The following FBXO21 variants were observed in gnomAD, a reference collection of about 807,000 sequenced individuals.
FBXO21 encodes F-box only protein 21.
FBXO21 carries 32 observed loss-of-function variants against 76.6 expected under a neutral mutation model. The ratio of observed to expected loss-of-function variants is 0.42; its 90% confidence interval spans 0.32 to 0.56. FBXO21 has a LOEUF of 0.56. Among genes scored for constraint, FBXO21 ranks in the 20% least tolerant of loss-of-function variants. The pLI is 0.16. For missense variants in FBXO21, 586 were observed against 797.3 expected (o/e 0.73, Z 3.19); for synonymous variants, 328 against 311.5 (o/e 1.05, Z -0.56).
At chr12:117,166,798 A>G in intron 8 of FBXO21, 100 bp downstream of exon 8, 1 of 979,878 alleles carries the variant, frequency 1.0e-6, no homozygotes, top group Non-Finnish European at 1.6e-6. Flanking sequence ...GGTCTACTGC[A>G]AAGATCTCAA....
intron 9 of FBXO21, among the ~76,000 whole-genome samples, chr12:117,160,095 C>T (rs1256288309): frequency 6.6e-6 from 1 of 152,176 alleles, no homozygotes; most frequent in Non-Finnish European, 1.5e-5. Context: ...GCTCTTCTCC[C>T]TCTAGCCTAG....
chr12:117,142,258 A>T lies in FBXO21; in HGVS notation c.*3829T>A, dbSNP rs575489977. ...CTCAGTGGTTCCTGGAGACTCAGGG[A>T]CCACCTGTATTCCACATCCGGCTTC... On this transcript the variant is annotated 3_prime_UTR_variant, in exon 12 of 12. Coordinates refer to ENST00000622495, the MANE Select transcript of FBXO21 (RefSeq NM_015002.3). The T allele has an allele frequency of 6.6e-6, 1 of 152,208 alleles. No individual in the cohort carries two copies. Among genetic ancestry groups the T allele is most frequent in the South Asian group, 2.1e-4 (1 of 4,812 alleles). The allele number at this position is 152,208 out of a possible 1,614,324, so 9.4% of individuals were successfully genotyped here. A position where few individuals can be genotyped will look rare whatever the true frequency, so the allele number is the denominator to read the frequency against.
rs934880849 is a variant in FBXO21, at chr12:117,149,769, C to T, written c.1676-3492G>A. Among the ~76,000 whole-genome samples, 9 of 152,290 alleles carry T rather than the reference C, an allele frequency of 5.9e-5. No individual in the cohort carries two copies. In the South Asian group the frequency reaches 6.2e-4, roughly 11 times the overall value. On this transcript the variant is annotated intron_variant, in intron 11 of 11. Transcript: ENST00000622495. ...CCACTTTTTCCTTTCTATGTATTATCGAGGGACAGCCTGGTGTTGGTAACA... is the reference window on the plus strand; with the variant it reads ...CCACTTTTTCCTTTCTATGTATTATTGAGGGACAGCCTGGTGTTGGTAACA...
intron 1 of FBXO21, among the ~76,000 whole-genome samples, chr12:117,189,823 T>C (rs1326740492): frequency 1.3e-5 from 2 of 152,172 alleles, no homozygotes; most frequent in Non-Finnish European, 2.9e-5. Context: ...GATTTCATCC[T>C]GGGGCCACGC....
At chr12:117,152,482 C>T (rs1310789805) in intron 11 of FBXO21, among the ~76,000 whole-genome samples, 1 of 149,816 alleles carries the variant, frequency 6.7e-6, no homozygotes, top group Non-Finnish European at 1.5e-5. Flanking sequence ...AAAAAATTTA[C>T]AAGACAACCA....
At chr12:117,186,854 T>C (rs1336750189) in intron 2 of FBXO21, among the ~76,000 whole-genome samples, 1 of 152,166 alleles carries the variant, frequency 6.6e-6, no homozygotes, top group Non-Finnish European at 1.5e-5. Context: ...TGGCCGGCCA[T>C]AGTGGTTCAT....
rs771584894 is a variant in FBXO21 at position 117,174,242 on chromosome 12, A to C, written c.839T>G (p.Met280Arg). The C allele has an allele frequency of 5.6e-6, 9 of 1,613,504 alleles. No homozygotes were observed. Among genetic ancestry groups the C allele is most frequent in the Admixed American group, 1.7e-5 (1 of 60,016 alleles). The part of the protein sequence containing the change: ...YDQLKFKGNR[M>R]DYYNALNLYM... Reference sequence around the variant, plus strand: ...TAAGTTGAGGGCATTATAGTAATCCATTCGATTCCCCTTGAACTTCAGTTG... The same window carrying C: ...TAAGTTGAGGGCATTATAGTAATCCCTTCGATTCCCCTTGAACTTCAGTTG... The change falls in exon 6 of 12, where the codon ATG becomes AGG. Residue 280 changes from methionine to arginine, a missense_variant. This residue lies in a region of FBXO21 where 246 missense variants were observed against 356.8 expected (regional missense o/e 0.69). Transcript: ENST00000622495.
chr12:117,185,034 G>A (rs971417561), intron 3 of FBXO21, among the ~76,000 whole-genome samples: 2 of 152,036 alleles, frequency 1.3e-5, no homozygotes, highest in Non-Finnish European at 2.9e-5. Context: ...GAGGGAATGG[G>A]GAGGAAAAAG....
In FBXO21 at chr12:117,145,499, A is replaced by T. The variant is rs980481718; in HGVS notation, c.*588T>A. 2 of 152,200 alleles carry T rather than the reference A, an allele frequency of 1.3e-5. No homozygotes were observed. Among genetic ancestry groups the T allele is most frequent in the African/African-American group, 2.4e-5 (1 of 41,448 alleles). 9.4% of individuals were successfully genotyped at this position (152,200 alleles called of 1,614,324 possible). ...AACACTTGAAATCTGTGTTTCACAT[A>T]TTAGAAAAAAATAAATTCAAATGAT... is the stretch of plus-strand genomic sequence containing the variant. On this transcript the variant is annotated 3_prime_UTR_variant, in exon 12 of 12. Coordinates refer to ENST00000622495, the MANE Select transcript of FBXO21 (RefSeq NM_015002.3).
chr12:117,153,128 C>T (rs977079228), intron 11 of FBXO21, among the ~76,000 whole-genome samples: 5 of 152,040 alleles, frequency 3.3e-5, no homozygotes, highest in African/African-American at 4.8e-5. Context: ...GGAAGATCCT[C>T]TTGCTGTTGC....
intron 11 of FBXO21, among the ~76,000 whole-genome samples, chr12:117,148,653 C>T (rs11068365): frequency 0.18 from 27,627 of 152,266 alleles, 3,140 homozygotes; most frequent in East Asian, 0.41. Flanking sequence ...CCCCCTTCTG[C>T]TGTTGCGTGG....
At chr12:117,185,248 T>C (rs1029970302) in intron 3 of FBXO21, among the ~76,000 whole-genome samples, 2 of 151,940 alleles carry the variant, frequency 1.3e-5, no homozygotes, top group African/African-American at 2.4e-5. Flanking sequence ...AAAATAGAAA[T>C]GGAAAAATGA....
chr12:117,164,274 C>CTTTTTTTTTTT (rs538169408), intron 9 of FBXO21, among the ~76,000 whole-genome samples: 3 of 126,842 alleles, frequency 2.4e-5, no homozygotes, highest in East Asian at 2.4e-4. Context: ...CTTTTCTTTT[C>CTTTTTTTTTTT]TTTTTTTTTT....
intron 7 of FBXO21, among the ~76,000 whole-genome samples, chr12:117,168,327 C>A (rs1956080377): frequency 1.3e-5 from 2 of 152,046 alleles, no homozygotes; most frequent in South Asian, 4.1e-4. Flanking sequence ...AGATCGAGAC[C>A]ATCCTGGCCA....
At chr12:117,156,002 C>G (rs1955911823) in intron 10 of FBXO21, 54 bp from the exon 11 acceptor site, 1 of 1,571,280 alleles carries the variant, frequency 6.4e-7, no homozygotes, top group Admixed American at 1.7e-5. Flanking sequence ...GCAACAACCT[C>G]CAGACAACCG....
intron 1 of FBXO21, 53 bp downstream of exon 1, chr12:117,190,165 C>CG: frequency 2.8e-6 from 3 of 1,057,518 alleles, no homozygotes; most frequent in Non-Finnish European, 3.5e-6. Context: ...TGCCCGGCCC[C>CG]GGGGGGCGCG....
intron 2 of FBXO21, among the ~76,000 whole-genome samples, chr12:117,187,554 A>T (rs1956296122): frequency 6.6e-6 from 1 of 152,162 alleles, no homozygotes; most frequent in Non-Finnish European, 1.5e-5. Flanking sequence ...GAACGCCAAG[A>T]TCCCGGGCCA....
intron 3 of FBXO21, among the ~76,000 whole-genome samples, chr12:117,182,564 CT>C (rs891529583): frequency 1.7e-3 from 144 of 83,332 alleles, no homozygotes; most frequent in Middle Eastern, 0.013. Flanking sequence ...GCAAGAGGAT[CT>C]TTTTTTTTTT....
chr12:117,174,645 C>T lies in FBXO21; in HGVS notation c.739+6G>A, dbSNP rs750118300. On this transcript the variant is annotated splice_donor_region_variant and intron_variant, in intron 5 of 11. Transcript: ENST00000622495. Reference sequence around the variant, plus strand: ...AAATACAGCTGGATCCAAAGCAATGCCACACCTGCCTTGAAGGCCAAGCTG... The same window carrying T: ...AAATACAGCTGGATCCAAAGCAATGTCACACCTGCCTTGAAGGCCAAGCTG... 31 of 1,613,502 alleles carry T rather than the reference C, an allele frequency of 1.9e-5. No individual in the cohort carries two copies. In the East Asian group the frequency reaches 6.0e-4, roughly 31 times the overall value.
Sources: allele counts gnomAD v4.1 joint callset (sites outside exome capture counted in the v4.1 genomes callset), GRCh38; gene constraint gnomAD v4.1.1; regional missense constraint gnomAD v4.1.1; transcripts MANE v1.5; gene names NCBI Gene and HGNC (gene_info 2026-07-23, HGNC 2026-07-21).